Variants in SORCS2 observed in about 807,000 individuals in gnomAD.
SORCS2 encodes VPS10 domain-containing receptor SorCS2.
SORCS2 carries 100 observed loss-of-function variants against 141.6 expected under a neutral mutation model. That is an observed-to-expected ratio of 0.71 (90% CI 0.60 to 0.83). SORCS2 has a LOEUF of 0.83. Among genes scored for constraint, SORCS2 ranks in the 40% least tolerant of loss-of-function variants. The pLI is 0.00. For synonymous variants in SORCS2, 789 were observed against 676.9 expected (o/e 1.17, Z -2.57); for missense variants, 1,646 against 1,560.2 (o/e 1.05, Z -0.93).
intron 1 of SORCS2, among the ~76,000 whole-genome samples, chr4:7,319,995 G>A (rs752391111): frequency 1.1e-4 from 17 of 152,070 alleles, no homozygotes; most frequent in Non-Finnish European, 2.4e-4. Context: ...GATATTCAGT[G>A]TACTCTTTTT....
chr4:7,538,917 T>C (rs1455782036), intron 3 of SORCS2, among the ~76,000 whole-genome samples: 2 of 152,188 alleles, frequency 1.3e-5, no homozygotes, highest in Admixed American at 1.3e-4. Flanking sequence ...GGCGGTGTGG[T>C]CATGATAAAG....
chr4:7,712,656 A>C (rs1725900752), intron 14 of SORCS2, 77 bp from the exon 15 acceptor site: 1 of 1,586,330 alleles, frequency 6.3e-7, no homozygotes, highest in Admixed American at 1.7e-5. Flanking sequence ...CAGAGTCCAG[A>C]GGGGACATGA....
At chr4:7,640,470 G>T (rs961371003) in intron 4 of SORCS2, among the ~76,000 whole-genome samples, 1 of 99,602 alleles carries the variant, frequency 1.0e-5, no homozygotes, top group Non-Finnish European at 2.1e-5. Flanking sequence ...GAGCGTGTGT[G>T]TGTGTGTGAG....
chr4:7,616,132 G>T (rs1253308663), intron 3 of SORCS2, among the ~76,000 whole-genome samples: 1 of 152,132 alleles, frequency 6.6e-6, no homozygotes, highest in African/African-American at 2.4e-5. Context: ...AGCCTGGCAG[G>T]TGGCCCTAAA....
intron 3 of SORCS2, among the ~76,000 whole-genome samples, chr4:7,540,379 C>A (rs1302002690): frequency 6.6e-6 from 1 of 152,114 alleles, no homozygotes; most frequent in Non-Finnish European, 1.5e-5. Context: ...CAGCCTTCTT[C>A]TGTGGCTAGG....
intron 1 of SORCS2, among the ~76,000 whole-genome samples, chr4:7,388,095 CAT>C (rs912613931): frequency 1.3e-4 from 20 of 148,704 alleles, no homozygotes; most frequent in African/African-American, 4.7e-4. Context: ...CATGCACACA[CAT>C]GCATGCACAG....
In SORCS2 at chr4:7,284,829, G is replaced by A. The variant is rs753080171; in HGVS notation, c.480+91703G>A. ...AAAATTCAGGGGTCCACATGGCTGTGCTCCCTCTGAAGGCTCTGGGGGAAG... is the reference window on the plus strand; with the variant it reads ...AAAATTCAGGGGTCCACATGGCTGTACTCCCTCTGAAGGCTCTGGGGGAAG... On this transcript the variant is annotated intron_variant, in intron 1 of 26. Transcript: ENST00000507866. 4.6e-5 allele frequency among the ~76,000 whole-genome samples: 7 copies of A among 152,248 alleles called. No homozygotes were observed. In the South Asian group the frequency reaches 8.3e-4, roughly 18 times the overall value.
In SORCS2 at chr4:7,286,303, C is replaced by G. The variant is rs956022838; in HGVS notation, c.480+93177C>G. On this transcript the variant is annotated intron_variant, in intron 1 of 26. Transcript: ENST00000507866. This position sits in a 1 kb window ranked among gnomAD's most constrained non-coding sequence, Gnocchi z 4.1. ...TGGGAGCCTGGCCAGCTGGAGCCAC[C>G]GCTGGAGAGAGCAGGCCTGTTGTGG... 6.6e-6 allele frequency among the ~76,000 whole-genome samples: 1 copy of G among 152,192 alleles called. No individual in the cohort carries two copies. Among genetic ancestry groups the G allele is most frequent in the Admixed American group, 6.5e-5 (1 of 15,274 alleles).
rs370944449 is a variant in SORCS2 at position 7,286,817 on chromosome 4, C to T, written c.480+93691C>T. Reference sequence around the variant, plus strand: ...GCGTCTTGGGTCCCAGACCGTGGAACCTGGGTGCTGCTTTTCAGGGTACAG... The same window carrying T: ...GCGTCTTGGGTCCCAGACCGTGGAATCTGGGTGCTGCTTTTCAGGGTACAG... On this transcript the variant is annotated intron_variant, in intron 1 of 26. Coordinates refer to ENST00000507866, the MANE Select transcript of SORCS2 (RefSeq NM_020777.3). The surrounding 1 kb of genome is among the most constrained non-coding windows in gnomAD (Gnocchi z 4.1). Among the ~76,000 whole-genome samples, 1 of 152,186 alleles carries T rather than the reference C, an allele frequency of 6.6e-6. No individual in the cohort carries two copies. The highest frequency in any genetic ancestry group is 1.9e-4 in the East Asian group (1 of 5,182).
At chr4:7,293,298 C>T (rs904794959) in intron 1 of SORCS2, among the ~76,000 whole-genome samples, 7 of 148,774 alleles carry the variant, frequency 4.7e-5, no homozygotes, top group African/African-American at 1.7e-4. Flanking sequence ...AGCAAGACTC[C>T]ATCTAAAAAA....
At chr4:7,586,083 C>T (rs922249561) in intron 3 of SORCS2, among the ~76,000 whole-genome samples, 2 of 152,204 alleles carry the variant, frequency 1.3e-5, no homozygotes, top group African/African-American at 4.8e-5. Context: ...AAAGGCATTG[C>T]TCTCTCTTTG....
intron 1 of SORCS2, among the ~76,000 whole-genome samples, chr4:7,222,027 C>A (rs551518463): frequency 2.0e-5 from 3 of 152,042 alleles, no homozygotes; most frequent in Admixed American, 2.0e-4. Context: ...ATGACCCACC[C>A]GGGCCAGGGT....
chr4:7,725,200 C>T lies in SORCS2; in HGVS notation c.2658C>T (p.Leu886=). Residue 886 remains leucine (L), a synonymous_variant, in exon 20 of 27, where the codon CTC becomes CTT. Coordinates refer to ENST00000507866, the MANE Select transcript of SORCS2 (RefSeq NM_020777.3). ...TGGAGGTGGTTCCTGTCATTGGCCT[C>T]AACCAGGAGGTGAACCTCACAGCTG... The part of the protein sequence containing the change: ...LYLEVVPVIG[L]NQEVNLTAVL... The T allele has an allele frequency of 6.2e-7, 1 of 1,613,602 alleles. No individual in the cohort carries two copies. Among genetic ancestry groups the T allele is most frequent in the Non-Finnish European group, 8.5e-7 (1 of 1,179,634 alleles).
At chr4:7,556,566 A>C (rs914931962) in intron 3 of SORCS2, among the ~76,000 whole-genome samples, 1 of 152,264 alleles carries the variant, frequency 6.6e-6, no homozygotes, top group East Asian at 1.9e-4. Flanking sequence ...ATCTGCACAA[A>C]GTTCACTTTT....
At chr4:7,372,061 T>C (rs182160094) in intron 1 of SORCS2, among the ~76,000 whole-genome samples, 285 of 152,268 alleles carry the variant, frequency 1.9e-3, no homozygotes, top group African/African-American at 6.5e-3. Context: ...CAAGTGGGTC[T>C]TGGGATATTC....
At chr4:7,343,539 A>G (rs1274877417) in intron 1 of SORCS2, among the ~76,000 whole-genome samples, 5 of 152,162 alleles carry the variant, frequency 3.3e-5, no homozygotes, top group Non-Finnish European at 2.9e-5. Flanking sequence ...CTCCCTCTGC[A>G]CAGAGCCTTG....
intron 3 of SORCS2, among the ~76,000 whole-genome samples, chr4:7,595,033 G>A (rs1717167488): frequency 6.6e-6 from 1 of 152,082 alleles, no homozygotes; most frequent in Non-Finnish European, 1.5e-5. Context: ...TCAGATCCAG[G>A]CTCGGTCCCC....
intron 4 of SORCS2, among the ~76,000 whole-genome samples, chr4:7,650,873 G>C (rs1354889049): frequency 6.6e-6 from 1 of 151,948 alleles, no homozygotes; most frequent in African/African-American, 2.4e-5. Context: ...TCTGAGCTTT[G>C]CTTCTATAAC....
intron 1 of SORCS2, among the ~76,000 whole-genome samples, chr4:7,294,139 A>G (rs1392715495): frequency 6.6e-6 from 1 of 152,120 alleles, no homozygotes; most frequent in Non-Finnish European, 1.5e-5. Flanking sequence ...TCATCAGCTG[A>G]GAGGTTCTGA....
Sources: gnomAD v4.1 joint callset for allele counts (sites outside exome capture counted in the v4.1 genomes callset) on GRCh38, gnomAD v4.1.1 for gene constraint, Gnocchi (gnomAD v3.1) non-coding constraint, MANE v1.5 for transcripts, NCBI Gene and HGNC (gene_info 2026-07-23, HGNC 2026-07-21) for gene names.